The following NEK1 variants were observed in gnomAD, a reference collection of about 807,000 sequenced individuals.
The protein encoded by NEK1 is NIMA related kinase 1.
NEK1 carries 137 observed loss-of-function variants against 182.1 expected under a neutral mutation model. The observed-to-expected ratio is 0.75, with a 90% CI of 0.65 to 0.87. The LOEUF (loss-of-function observed/expected upper bound fraction) is 0.87. Ranked by LOEUF, NEK1 falls within the 40% of genes least tolerant of loss-of-function variation. NEK1 has a pLI of 0.00. For missense variants in NEK1, 1,391 were observed against 1,494.4 expected (o/e 0.93, Z 1.14); for synonymous variants, 513 against 492.2 (o/e 1.04, Z -0.56).
At chr4:169,467,169 G>A (rs185557548) in intron 26 of NEK1, among the ~76,000 whole-genome samples, 45 of 151,890 alleles carry the variant, frequency 3.0e-4, no homozygotes, top group Admixed American at 8.5e-4. Context: ...TATATAATAC[G>A]TATAACATGT....
At chr4:169,421,485 G>A (rs1459894673) in intron 31 of NEK1, among the ~76,000 whole-genome samples, 1 of 152,184 alleles carries the variant, frequency 6.6e-6, no homozygotes, top group African/African-American at 2.4e-5. Context: ...AAGGGACCTG[G>A]TGGGAGGTGA....
At chr4:169,408,902 T>C (rs1452625180) in intron 31 of NEK1, among the ~76,000 whole-genome samples, 1 of 152,218 alleles carries the variant, frequency 6.6e-6, no homozygotes, top group East Asian at 1.9e-4. Context: ...TTCCATATCT[T>C]TGCAATTGCA....
At chr4:169,495,178 T>C (rs1392521731) in intron 23 of NEK1, among the ~76,000 whole-genome samples, 1 of 151,584 alleles carries the variant, frequency 6.6e-6, no homozygotes, top group Non-Finnish European at 1.5e-5. Flanking sequence ...GTCTATGTAC[T>C]GAATGGTACT....
chr4:169,541,982 C>T lies in NEK1; in HGVS notation c.1563-4071G>A, dbSNP rs1185631598. ...AAGTCAGTCAATTCTTCCAAGTTTG[C>T]TCCTTTAACCATGATTTCTTTAATG... On this transcript the variant is annotated intron_variant, in intron 18 of 35. Coordinates refer to ENST00000507142, the MANE Select transcript of NEK1 (RefSeq NM_001199397.3). Among the ~76,000 whole-genome samples the T allele has an allele frequency of 2.6e-5, 4 of 152,102 alleles. No homozygotes were observed. The East Asian group carries it at 7.7e-4, about 29-fold the overall frequency.
intron 26 of NEK1, among the ~76,000 whole-genome samples, chr4:169,470,250 T>C (rs1309890834): frequency 6.6e-6 from 1 of 152,226 alleles, no homozygotes; most frequent in Non-Finnish European, 1.5e-5. Context: ...TGGTATGCTT[T>C]TGCAGCGGCT....
intron 33 of NEK1, among the ~76,000 whole-genome samples, chr4:169,401,160 A>G (rs944079564): frequency 1.3e-5 from 2 of 152,160 alleles, no homozygotes; most frequent in African/African-American, 4.8e-5. Context: ...TAGTCTTTTC[A>G]CATTAGCTTT....
chr4:169,526,850 C>A (rs1756965616), intron 19 of NEK1, among the ~76,000 whole-genome samples: 1 of 152,102 alleles, frequency 6.6e-6, no homozygotes, highest in South Asian at 2.1e-4. Flanking sequence ...ACATTTCATG[C>A]CATCAGAGAA....
At chr4:169,452,125 T>C (rs1450176242) in intron 27 of NEK1, among the ~76,000 whole-genome samples, 2 of 152,158 alleles carry the variant, frequency 1.3e-5, no homozygotes, top group Admixed American at 6.5e-5. Context: ...CAGGAAGAAG[T>C]TGAATCCCTG....
chr4:169,494,714 A>T (rs986163687), intron 23 of NEK1, among the ~76,000 whole-genome samples: 33 of 152,160 alleles, frequency 2.2e-4, no homozygotes, highest in Admixed American at 9.8e-4. Context: ...AGTCCCACCA[A>T]CACTGTAAAA....
chr4:169,567,225 A>G (rs889568216), intron 12 of NEK1, among the ~76,000 whole-genome samples: 3 of 152,158 alleles, frequency 2.0e-5, no homozygotes, highest in Non-Finnish European at 4.4e-5. Context: ...TTTCCACACA[A>G]TCGACTGCCG....
intron 27 of NEK1, among the ~76,000 whole-genome samples, chr4:169,449,702 A>C (rs1164339321): frequency 6.6e-6 from 1 of 152,234 alleles, no homozygotes; most frequent in African/African-American, 2.4e-5. Context: ...AAGGTAGATA[A>C]AACCACAAAG....
chr4:169,458,893 C>A (rs1330597327), intron 27 of NEK1, among the ~76,000 whole-genome samples: 1 of 150,050 alleles, frequency 6.7e-6, no homozygotes, highest in East Asian at 2.0e-4. Flanking sequence ...GGAGAAAATA[C>A]AGGTTGACTA....
chr4:169,545,461 T>C (rs1439128040), intron 18 of NEK1, among the ~76,000 whole-genome samples: 3 of 150,496 alleles, frequency 2.0e-5, no homozygotes, highest in East Asian at 1.9e-4. Context: ...TGTTGGACAT[T>C]TGGGTTGGTT....
At chr4:169,593,988 CAAA>C (rs1218657771) in intron 5 of NEK1, among the ~76,000 whole-genome samples, 2 of 74,262 alleles carry the variant, frequency 2.7e-5, no homozygotes, top group Admixed American at 1.5e-4. Context: ...GACTCCGTCT[CAAA>C]AAAAAAAAAA....
chr4:169,547,416 C>T (rs987881220), intron 18 of NEK1, among the ~76,000 whole-genome samples: 6 of 152,144 alleles, frequency 3.9e-5, no homozygotes, highest in Non-Finnish European at 8.8e-5. Context: ...TTTTTTCCTT[C>T]ATTTCAACCT....
intron 26 of NEK1, among the ~76,000 whole-genome samples, chr4:169,473,153 C>T (rs1351640627): frequency 6.6e-6 from 1 of 150,698 alleles, no homozygotes; most frequent in Non-Finnish European, 1.5e-5. Context: ...GTAGTTCCAG[C>T]TACTCTGGAG....
intron 32 of NEK1, among the ~76,000 whole-genome samples, chr4:169,406,234 C>G (rs1056528723): frequency 6.6e-6 from 1 of 152,058 alleles, no homozygotes; most frequent in African/African-American, 2.4e-5. Flanking sequence ...CACACTCCAG[C>G]TAGGTGATAG....
At chr4:169,558,460 A>G (rs1216790880) in intron 16 of NEK1, among the ~76,000 whole-genome samples, 2 of 152,206 alleles carry the variant, frequency 1.3e-5, no homozygotes. Flanking sequence ...GCAACCACTG[A>G]TCTGCTTTCC....
At chr4:169,486,424 C>CT (rs1323184043) in intron 23 of NEK1, among the ~76,000 whole-genome samples, 1 of 152,206 alleles carries the variant, frequency 6.6e-6, no homozygotes, top group Non-Finnish European at 1.5e-5. Context: ...CTCTTGATGT[C>CT]TGCCTACTCT....
Sources: allele counts gnomAD v4.1 joint callset (sites outside exome capture counted in the v4.1 genomes callset), GRCh38; gene constraint gnomAD v4.1.1; transcripts MANE v1.5; gene names NCBI Gene and HGNC (gene_info 2026-07-23, HGNC 2026-07-21).